The following CNTN5 variants were observed in gnomAD, a reference collection of about 807,000 sequenced individuals.
CNTN5 encodes contactin 5.
Under a neutral mutation model 129.1 loss-of-function variants are expected in CNTN5, and 77 were observed. The ratio of observed to expected loss-of-function variants is 0.60; its 90% CI spans 0.50 to 0.72. The LOEUF is 0.72. Ranked by LOEUF, CNTN5 falls within the 30% of genes least tolerant of loss-of-function variation. The pLI is 0.00. For missense variants in CNTN5, 1,478 were observed against 1,328.8 expected (o/e 1.11, Z -1.75); for synonymous variants, 509 against 465.6 (o/e 1.09, Z -1.20).
At chr11:99,776,620 T>G (rs963717060) in intron 3 of CNTN5, among the ~76,000 whole-genome samples, 5 of 151,376 alleles carry the variant, frequency 3.3e-5, no homozygotes, top group Non-Finnish European at 7.4e-5. Context: ...TTGATGAGAC[T>G]CAAAAACATT....
At chr11:99,252,458 T>C (rs1174075936) in intron 1 of CNTN5, among the ~76,000 whole-genome samples, 4 of 150,476 alleles carry the variant, frequency 2.7e-5, no homozygotes, top group Non-Finnish European at 4.4e-5. Context: ...ATTTATCTTA[T>C]ATATAACTAA....
At chr11:99,924,970 A>G (rs1950027654) in intron 7 of CNTN5, among the ~76,000 whole-genome samples, 1 of 152,202 alleles carries the variant, frequency 6.6e-6, no homozygotes, top group African/African-American at 2.4e-5. Context: ...GGAAAAGATT[A>G]GTTGAGTTGT....
At chr11:100,204,343 T>TATA (rs1201876860) in intron 15 of CNTN5, among the ~76,000 whole-genome samples, 1 of 111,432 alleles carries the variant, frequency 9.0e-6, no homozygotes, top group Non-Finnish European at 1.8e-5. Flanking sequence ...TATATATATA[T>TATA]AATTATAGGC....
intron 1 of CNTN5, among the ~76,000 whole-genome samples, chr11:99,122,239 G>C (rs934420599): frequency 6.6e-6 from 1 of 152,044 alleles, no homozygotes; most frequent in East Asian, 1.9e-4. Flanking sequence ...TTTAGGAACA[G>C]TTGTCATAGT....
At chr11:99,621,516 T>C (rs591943) in intron 3 of CNTN5, among the ~76,000 whole-genome samples, 35,267 of 149,730 alleles carry the variant, frequency 0.24, 4,485 homozygotes, top group Middle Eastern at 0.35. Flanking sequence ...AAGAATAATA[T>C]ATCTTTATAA....
chr11:99,044,223 T>C (rs1010622883), intron 1 of CNTN5, among the ~76,000 whole-genome samples: 1 of 152,072 alleles, frequency 6.6e-6, no homozygotes, highest in African/African-American at 2.4e-5. Context: ...AGCCTGCAAA[T>C]CATATCTAAG....
At chr11:99,574,340 C>G (rs1949276818) in intron 3 of CNTN5, among the ~76,000 whole-genome samples, 1 of 152,174 alleles carries the variant, frequency 6.6e-6, no homozygotes, top group Admixed American at 6.5e-5. Flanking sequence ...CATTTCCTTG[C>G]TATTGTGAAT....
At chr11:99,059,197 T>G (rs1565283681) in intron 1 of CNTN5, among the ~76,000 whole-genome samples, 1 of 151,856 alleles carries the variant, frequency 6.6e-6, no homozygotes. Context: ...ATTTGAAAAT[T>G]TATTGCAATG....
chr11:99,072,379 G>A (rs930809864), intron 1 of CNTN5, among the ~76,000 whole-genome samples: 9 of 151,918 alleles, frequency 5.9e-5, no homozygotes, highest in Admixed American at 2.6e-4. Context: ...GATGTCATTG[G>A]GGCTATTCAA....
chr11:99,311,078 G>A (rs1303085714), intron 1 of CNTN5, among the ~76,000 whole-genome samples: 2 of 152,014 alleles, frequency 1.3e-5, no homozygotes, highest in African/African-American at 4.8e-5. Context: ...ACAGGTGCAC[G>A]ATACCACGCC....
At chr11:99,842,010 T>C (rs1359225911) in intron 4 of CNTN5, among the ~76,000 whole-genome samples, 1 of 151,682 alleles carries the variant, frequency 6.6e-6, no homozygotes, top group Non-Finnish European at 1.5e-5. Context: ...CCTCAGCCTC[T>C]GAAGTAGCTG....
chr11:99,835,054 C>G (rs756214965), intron 4 of CNTN5, among the ~76,000 whole-genome samples: 14 of 152,180 alleles, frequency 9.2e-5, no homozygotes, highest in Non-Finnish European at 1.6e-4. Flanking sequence ...ATGCAAACTC[C>G]TTTCAAAAAG....
intron 24 of CNTN5, 128 bp from the exon 25 acceptor site, chr11:100,355,989 A>G (rs1952513646): frequency 3.1e-6 from 2 of 642,848 alleles, no homozygotes; most frequent in Non-Finnish European, 5.5e-6. Context: ...TTTTATAAAT[A>G]TAAAGAACAC....
chr11:100,242,407 A>T, intron 16 of CNTN5, among the ~76,000 whole-genome samples: 1 of 152,174 alleles, frequency 6.6e-6, no homozygotes, highest in Admixed American at 6.5e-5. Context: ...AAAAGTCATA[A>T]GCAGTCACCT....
At chr11:99,879,144 G>T (rs941180108) in intron 6 of CNTN5, among the ~76,000 whole-genome samples, 3 of 151,880 alleles carry the variant, frequency 2.0e-5, no homozygotes, top group Admixed American at 6.6e-5. Flanking sequence ...CACCATGTTG[G>T]CCGGGCTGGT....
intron 3 of CNTN5, among the ~76,000 whole-genome samples, chr11:99,656,989 A>G (rs896834344): frequency 3.3e-5 from 5 of 152,096 alleles, no homozygotes; most frequent in Non-Finnish European, 5.9e-5. Flanking sequence ...TTGTGGACCA[A>G]AAAGTATGTT....
At position 99,498,480 on chromosome 11, in the gene CNTN5, C is replaced by G. The variant is rs144076000; in HGVS notation, c.-70-57665C>G. 2.3e-4 allele frequency among the ~76,000 whole-genome samples: 35 copies of G among 152,232 alleles called. No individual in the cohort carries two copies. In the East Asian group the frequency reaches 5.4e-3, roughly 24 times the overall value. On this transcript the variant is annotated intron_variant, in intron 2 of 24. Coordinates refer to ENST00000524871, the MANE Select transcript of CNTN5 (RefSeq NM_014361.4). ...TCTAGGTAATTTTTCTTAAGCAATT[C>G]TCATTGTGTTAATTCCTCCATTTTC...
rs1236209360 is a variant in CNTN5 at position 99,079,273 on chromosome 11, T to A, written c.-210+58003T>A. Among the ~76,000 whole-genome samples the A allele has an allele frequency of 6.6e-5, 10 of 152,182 alleles. No individual in the cohort carries two copies. In the East Asian group the frequency reaches 1.4e-3, roughly 21 times the overall value. ...TTCATCCTGACAACAGAAAATTAAA[T>A]CTCTAATAAAGAGGAAATACTGTAT... On this transcript the variant is annotated intron_variant, in intron 1 of 24. Coordinates refer to ENST00000524871, the MANE Select transcript of CNTN5 (RefSeq NM_014361.4).
chr11:99,208,806 A>G (rs1446214707), intron 1 of CNTN5, among the ~76,000 whole-genome samples: 5 of 152,136 alleles, frequency 3.3e-5, no homozygotes, highest in Admixed American at 2.0e-4. Context: ...CTTTCAAAAT[A>G]ATAAAAAAAT....
Sources: allele counts gnomAD v4.1 joint callset (sites outside exome capture counted in the v4.1 genomes callset), GRCh38; gene constraint gnomAD v4.1.1; transcripts MANE v1.5; gene names NCBI Gene and HGNC (gene_info 2026-07-23, HGNC 2026-07-21).